The following LTBP1 variants were observed in gnomAD, a reference collection of about 807,000 sequenced individuals.
LTBP1 encodes the protein latent-transforming growth factor beta-binding protein 1.
Under a neutral mutation model 207.6 loss-of-function variants are expected in LTBP1, and 129 were observed. That is an observed-to-expected ratio of 0.62 (90% confidence interval 0.54 to 0.72). The LOEUF (loss-of-function observed/expected upper bound fraction) is 0.72. Ranked by LOEUF, LTBP1 falls within the 30% of genes least tolerant of loss-of-function variation. The probability of loss-of-function intolerance (pLI) is 0.00; values close to 1 mark genes in which losing one functional copy is unlikely to be tolerated. For synonymous variants in LTBP1, 963 were observed against 833.7 expected, an observed-to-expected ratio of 1.16 and a Z score of -2.67; for missense variants, 2,281 against 2,217.2, an observed-to-expected ratio of 1.03 and a Z score of -0.58.
At chr2:33,254,852 G>GTTTGT (rs2092794627) in intron 11 of LTBP1, among the ~76,000 whole-genome samples, 1 of 10,366 alleles carries the variant, frequency 9.6e-5, no homozygotes, top group Non-Finnish European at 1.5e-4. Context: ...GCGGTGTTTG[G>GTTTGT]TTTTTTTTTT....
rs766467576 is a variant in LTBP1 at position 33,273,718 on chromosome 2, G to A, written c.2680G>A (p.Val894Met). The A allele has an allele frequency of 6.2e-7, 1 of 1,612,444 alleles. No individual in the cohort carries two copies. Among genetic ancestry groups the A allele is most frequent in the South Asian group, 1.1e-5 (1 of 90,910 alleles). Residue 894 changes from valine to methionine, a missense_variant, in exon 16 of 34, where the codon GTG becomes ATG. By Grantham distance (21) the Val-to-Met change is conservative. Coordinates refer to ENST00000404816, the MANE Select transcript of LTBP1 (RefSeq NM_206943.4). ...AGCAGGACACTGCATTAACCTACCA[G>A]TGAGATATACCTGTATATGCTACGA... The part of the protein sequence containing the change: ...CGAGHCINLP[V>M]RYTCICYEGY...
intron 2 of LTBP1, among the ~76,000 whole-genome samples, chr2:32,992,571 G>A (rs943707248): frequency 6.6e-6 from 1 of 152,156 alleles, no homozygotes; most frequent in Non-Finnish European, 1.5e-5. Context: ...TTGTGTTTTG[G>A]TACTAGGATT....
chr2:32,962,053 T>C (rs1289233755), intron 2 of LTBP1, among the ~76,000 whole-genome samples: 1 of 152,060 alleles, frequency 6.6e-6, no homozygotes, highest in African/African-American at 2.4e-5. Context: ...TTTTTAATAA[T>C]GTGTTGGTGC....
intron 7 of LTBP1, among the ~76,000 whole-genome samples, chr2:33,205,536 G>C (rs17567417): frequency 0.42 from 63,774 of 152,020 alleles, 13,857 homozygotes; most frequent in Non-Finnish European, 0.47. Flanking sequence ...TCAGGGACTT[G>C]GGTTGATAGT....
intron 2 of LTBP1, among the ~76,000 whole-genome samples, chr2:33,020,592 T>G (rs888345160): frequency 5.9e-5 from 9 of 152,186 alleles, no homozygotes; most frequent in Non-Finnish European, 1.0e-4. Flanking sequence ...AATAATTATA[T>G]AATGTTTAAC....
chr2:33,027,526 G>T (rs2149283749), intron 3 of LTBP1, among the ~76,000 whole-genome samples: 1 of 152,218 alleles, frequency 6.6e-6, no homozygotes. Context: ...CTGCTGTATA[G>T]GTATGTATAT....
intron 24 of LTBP1, among the ~76,000 whole-genome samples, chr2:33,329,766 T>TTGTCCTAGTTACA (rs2094473138): frequency 6.6e-6 from 1 of 152,136 alleles, no homozygotes; most frequent in African/African-American, 2.4e-5. Flanking sequence ...CATTTGTACA[T>TTGTCCTAGTTACA]TGTCCTAGTT....
chr2:33,201,476 TGTG>T (rs1050885448), intron 7 of LTBP1, among the ~76,000 whole-genome samples: 1 of 96,846 alleles, frequency 1.0e-5, no homozygotes, highest in African/African-American at 4.1e-5. Flanking sequence ...TGGGGACTGT[TGTG>T]GGGTGGGGGG....
chr2:33,062,995 T>A (rs2077340218), intron 3 of LTBP1: 1 of 152,248 alleles, frequency 6.6e-6, no homozygotes, highest in Non-Finnish European at 1.5e-5. Flanking sequence ...TATGTCCATT[T>A]AATGTTATGA....
intron 6 of LTBP1, 130 bp from the exon 7 acceptor site, chr2:33,188,447 A>AAAAAAATAATT: frequency 6.0e-6 from 4 of 668,126 alleles, no homozygotes; most frequent in East Asian, 2.8e-5. Context: ...AAAAAAAAGA[A>AAAAAAATAATT]TTTTGATGGC....
At chr2:33,011,764 T>G (rs1361972392) in intron 2 of LTBP1, among the ~76,000 whole-genome samples, 2 of 151,972 alleles carry the variant, frequency 1.3e-5, no homozygotes, top group Non-Finnish European at 1.5e-5. Context: ...TAAATCATAC[T>G]GGACCTGCAT....
At chr2:33,307,602 A>G (rs998443437) in intron 22 of LTBP1, among the ~76,000 whole-genome samples, 2 of 152,236 alleles carry the variant, frequency 1.3e-5, no homozygotes, top group African/African-American at 2.4e-5. Context: ...GATGGTGGTC[A>G]CAAGGATGTG....
chr2:33,067,835 T>C (rs372012563), intron 3 of LTBP1, among the ~76,000 whole-genome samples: 1 of 152,192 alleles, frequency 6.6e-6, no homozygotes, highest in Non-Finnish European at 1.5e-5. Flanking sequence ...AGCAGTGCTT[T>C]TGGACCACAA....
intron 25 of LTBP1, 32 bp from the exon 26 acceptor site, chr2:33,347,335 A>C: frequency 6.2e-7 from 1 of 1,613,800 alleles, no homozygotes; most frequent in Non-Finnish European, 8.5e-7. Context: ...AATGAGGCAC[A>C]CATCTCACTT....
intron 15 of LTBP1, among the ~76,000 whole-genome samples, chr2:33,270,012 G>T (rs1024533055): frequency 1.3e-5 from 2 of 148,480 alleles, no homozygotes; most frequent in Non-Finnish European, 3.0e-5. Context: ...GTCACTCAGG[G>T]TTCAAGCGAT....
chr2:33,103,706 C>T (rs1264279047), intron 3 of LTBP1, among the ~76,000 whole-genome samples: 2 of 151,884 alleles, frequency 1.3e-5, no homozygotes, highest in Non-Finnish European at 2.9e-5. Context: ...TGCCCTTGAG[C>T]ACTCTCCAGG....
chr2:32,955,041 G>A (rs542672623), intron 2 of LTBP1, among the ~76,000 whole-genome samples: 1 of 152,304 alleles, frequency 6.6e-6, no homozygotes, highest in African/African-American at 2.4e-5. Flanking sequence ...TTAAAATGTT[G>A]AAAGTTGTTA....
At chr2:33,148,300 GATATCA>G (rs1007044550) in intron 5 of LTBP1, among the ~76,000 whole-genome samples, 7 of 152,286 alleles carry the variant, frequency 4.6e-5, no homozygotes, top group African/African-American at 1.7e-4. Flanking sequence ...TTAATTGAAT[GATATCA>G]ATTAGTTTAA....
chr2:32,995,510 G>A (rs552497395), intron 2 of LTBP1, among the ~76,000 whole-genome samples: 7 of 152,278 alleles, frequency 4.6e-5, no homozygotes, highest in Middle Eastern at 3.4e-3. Flanking sequence ...GGCCGGGCGC[G>A]GTGGCTCACG....
Sources: gnomAD v4.1 joint callset for allele counts (sites outside exome capture counted in the v4.1 genomes callset) on GRCh38, gnomAD v4.1.1 for gene constraint, MANE v1.5 for transcripts, NCBI Gene and HGNC (gene_info 2026-07-23, HGNC 2026-07-21) for gene names.